ZFHX3: variants seen among roughly 807,000 people sequenced by gnomAD.
ZFHX3 encodes zinc finger homeobox 3.
Under a neutral mutation model 279.1 loss-of-function variants are expected in ZFHX3, and 42 were observed. The observed-to-expected ratio is 0.15, with a 90% confidence interval of 0.12 to 0.19. ZFHX3 has a LOEUF of 0.19. Ranked by LOEUF, ZFHX3 falls within the 10% of genes least tolerant of loss-of-function variation. The probability of loss-of-function intolerance (pLI) is 1.00; values close to 1 mark genes in which losing one functional copy is unlikely to be tolerated. For synonymous variants in ZFHX3, 2,293 were observed against 1,957.8 expected (o/e 1.17, Z -4.52); for missense variants, 4,981 against 4,754.0 (o/e 1.05, Z -1.40).
intron 3 of ZFHX3, among the ~76,000 whole-genome samples, chr16:73,374,577 C>T (rs2016689739): frequency 6.6e-6 from 1 of 152,216 alleles, no homozygotes; most frequent in South Asian, 2.1e-4. Context: ...CATCGAACAT[C>T]CAGGCAATAT....
At chr16:73,316,766 G>A (rs575835230) in intron 4 of ZFHX3, among the ~76,000 whole-genome samples, 2 of 152,050 alleles carry the variant, frequency 1.3e-5, no homozygotes, top group Non-Finnish European at 2.9e-5. Context: ...TCACATTCAC[G>A]CTGCACTCCT....
chr16:72,814,399 C>G (rs151083835), intron 5 of ZFHX3, among the ~76,000 whole-genome samples: 2,223 of 152,202 alleles, frequency 0.015, 22 homozygotes, highest in Non-Finnish European at 0.021. Flanking sequence ...TGAATGGGCA[C>G]CGAGGCTGAG....
chr16:73,823,544 C>G (rs1397937864), intron 1 of ZFHX3, among the ~76,000 whole-genome samples: 2 of 152,174 alleles, frequency 1.3e-5, no homozygotes, highest in African/African-American at 4.8e-5. Flanking sequence ...AGGGGTTGAC[C>G]AACTATGGCC....
intron 1 of ZFHX3, among the ~76,000 whole-genome samples, chr16:72,961,221 G>A (rs1961561692): frequency 2.0e-5 from 3 of 152,050 alleles, no homozygotes. Flanking sequence ...AGCTGGGCTC[G>A]GCGAGCCCCA....
intron 3 of ZFHX3, among the ~76,000 whole-genome samples, chr16:73,325,900 C>A (rs2015671337): frequency 7.7e-6 from 1 of 129,104 alleles, no homozygotes; most frequent in East Asian, 2.2e-4. Flanking sequence ...TACACACACA[C>A]AAACACACAC....
chr16:73,687,011 A>AATATAT lies in ZFHX3; in HGVS notation c.-1607-6777_-1607-6772dup, dbSNP rs58565282. Among the ~76,000 whole-genome samples the AATATAT allele has an allele frequency of 7.7e-3, 408 of 53,034 alleles. 2 individuals carry two copies. The highest frequency in any genetic ancestry group is 0.026 in the Middle Eastern group (1 of 38). 34.8% of individuals were successfully genotyped at this position (53,034 alleles called of 152,430 possible). A position where few individuals can be genotyped will look rare whatever the true frequency, so the allele number is the denominator to read the frequency against. ...GAGAATATATATATATTTGCAGCTAAATATATATATATATATATATATATA... is the reference window on the plus strand; with the variant it reads ...GAGAATATATATATATTTGCAGCTAAATATATATATATATATATATATATATATATA... On this transcript the variant is annotated intron_variant, in intron 1 of 17. Coordinates refer to the ZFHX3 transcript ENST00000641206.
At chr16:72,945,424 C>T (rs1394317533) in intron 3 of ZFHX3, among the ~76,000 whole-genome samples, 2 of 152,152 alleles carry the variant, frequency 1.3e-5, no homozygotes, top group Admixed American at 1.3e-4. Context: ...CGTGCAGCCT[C>T]CCAGCCCAGC....
At chr16:73,362,157 A>G (rs1168558651) in intron 3 of ZFHX3, among the ~76,000 whole-genome samples, 2 of 152,044 alleles carry the variant, frequency 1.3e-5, no homozygotes, top group African/African-American at 4.8e-5. Flanking sequence ...CCCACCCAGT[A>G]CCTCTGTTCC....
intron 1 of ZFHX3, among the ~76,000 whole-genome samples, chr16:73,725,541 G>T (rs1420171139): frequency 8.6e-5 from 9 of 104,628 alleles, no homozygotes; most frequent in Admixed American, 2.6e-4. Context: ...GTGTGAGTGA[G>T]TGTGTGTGTG....
chr16:72,818,867 C>A (rs2036695968), intron 5 of ZFHX3, among the ~76,000 whole-genome samples: 1 of 152,196 alleles, frequency 6.6e-6, no homozygotes, highest in Admixed American at 6.5e-5. Flanking sequence ...TGGCAAGACA[C>A]AGAGGTTCTA....
intron 1 of ZFHX3, among the ~76,000 whole-genome samples, chr16:73,852,809 A>G (rs1961623391): frequency 6.6e-6 from 1 of 152,216 alleles, no homozygotes; most frequent in African/African-American, 2.4e-5. Context: ...TTTGCTGATG[A>G]GACTAAAAAA....
At chr16:73,238,672 T>C (rs1005523214) in intron 5 of ZFHX3, among the ~76,000 whole-genome samples, 1 of 152,174 alleles carries the variant, frequency 6.6e-6, no homozygotes, top group African/African-American at 2.4e-5. Flanking sequence ...GAGATCCTTC[T>C]GAGGATCCCA....
intron 4 of ZFHX3, among the ~76,000 whole-genome samples, chr16:73,262,244 G>A (rs543283896): frequency 6.6e-6 from 1 of 152,320 alleles, no homozygotes; most frequent in East Asian, 1.9e-4. Flanking sequence ...AATTGCTTGA[G>A]TTTCAAGAAA....
chr16:73,720,096 T>C (rs1223007181), intron 1 of ZFHX3, among the ~76,000 whole-genome samples: 1 of 152,168 alleles, frequency 6.6e-6, no homozygotes, highest in Non-Finnish European at 1.5e-5. Flanking sequence ...GTACTAATAA[T>C]CAATGAGATG....
intron 4 of ZFHX3, among the ~76,000 whole-genome samples, chr16:73,260,680 G>GTTTTTTTT (rs370384540): frequency 7.9e-5 from 7 of 88,404 alleles, no homozygotes; most frequent in Admixed American, 1.5e-4. Context: ...CACCTATCTG[G>GTTTTTTTT]TTTTTTTTTT....
At chr16:72,899,995 T>C (rs1274498566) in intron 3 of ZFHX3, among the ~76,000 whole-genome samples, 1 of 152,022 alleles carries the variant, frequency 6.6e-6, no homozygotes, top group Admixed American at 6.5e-5. Context: ...AAGAAACTGA[T>C]ATATAGGAAT....
intron 5 of ZFHX3, among the ~76,000 whole-genome samples, chr16:73,238,705 C>T (rs2013028252): frequency 6.6e-6 from 1 of 152,142 alleles, no homozygotes; most frequent in African/African-American, 2.4e-5. Flanking sequence ...GCCTTCCAGG[C>T]TGTTCATGAC....
chr16:73,572,615 C>G lies in ZFHX3; in HGVS notation c.-1547+107565G>C, dbSNP rs534979724. Among the ~76,000 whole-genome samples the G allele has an allele frequency of 1.1e-4, 17 of 152,260 alleles. No individual in the cohort carries two copies. The South Asian group carries it at 3.3e-3, about 30-fold the overall frequency. ...AATAAAATGCAGTGTGTCCTGGGGT[C>G]CCCTCTGAAAGAATAAAACTGGAAG... is the stretch of plus-strand genomic sequence containing the variant. On this transcript the variant is annotated intron_variant, in intron 2 of 17. Transcript: ENST00000641206.
chr16:73,713,165 G>C (rs1304954904), intron 1 of ZFHX3, among the ~76,000 whole-genome samples: 1 of 152,212 alleles, frequency 6.6e-6, no homozygotes, highest in Non-Finnish European at 1.5e-5. Flanking sequence ...CTGGGATAAT[G>C]AAGTATAAAA....
Sources: allele counts gnomAD v4.1 joint callset (sites outside exome capture counted in the v4.1 genomes callset), GRCh38; gene constraint gnomAD v4.1.1; transcripts MANE v1.5; gene names NCBI Gene and HGNC (gene_info 2026-07-23, HGNC 2026-07-21).